Variants in CACNA2D3 observed in about 807,000 individuals in gnomAD.
The protein encoded by CACNA2D3 is calcium voltage-gated channel auxiliary subunit alpha2delta 3.
A neutral mutation model predicts 160.6 loss-of-function variants in CACNA2D3; 60 were observed. That is an observed-to-expected ratio of 0.37 (90% CI 0.30 to 0.46). The LOEUF (loss-of-function observed/expected upper bound fraction) is 0.46. Ranked by LOEUF, CACNA2D3 falls within the 20% of genes least tolerant of loss-of-function variation. CACNA2D3 has a pLI of 1.00. For synonymous variants in CACNA2D3, 558 were observed against 492.9 expected (o/e 1.13, Z -1.75); for missense variants, 1,205 against 1,365.0 (o/e 0.88, Z 1.85).
At chr3:54,581,343 C>G (rs1303410002) in intron 8 of CACNA2D3, among the ~76,000 whole-genome samples, 1 of 152,116 alleles carries the variant, frequency 6.6e-6, no homozygotes, top group Non-Finnish European at 1.5e-5. Flanking sequence ...GCAGAGTGAC[C>G]AGGGAACATC....
chr3:54,997,016 C>A (rs1702873292), intron 31 of CACNA2D3, among the ~76,000 whole-genome samples: 2 of 151,770 alleles, frequency 1.3e-5, no homozygotes, highest in Admixed American at 1.3e-4. Context: ...ACACCGGGGC[C>A]TGTCAGGGGG....
Position 54,691,987 on chromosome 3 carries a change from C to CTTTTTTTATTTATTTATTTATTTT in CACNA2D3, c.1167+49753_1167+49754insATTTATTTATTTATTTTTTTTTTT, listed in dbSNP as rs1553787515. Reference sequence around the variant, plus strand: ...ATTAATAATATTAATTTCTTTCTTCCTTTTTTTTTGAGACAGAGTCTCACT... The same window carrying CTTTTTTTATTTATTTATTTATTTT: ...ATTAATAATATTAATTTCTTTCTTCCTTTTTTTATTTATTTATTTATTTTTTTTTTTTTGAGACAGAGTCTCACT... On this transcript the variant is annotated intron_variant, in intron 11 of 37. Coordinates refer to ENST00000474759, the MANE Select transcript of CACNA2D3 (RefSeq NM_018398.3). Among the ~76,000 whole-genome samples the CTTTTTTTATTTATTTATTTATTTT allele has an allele frequency of 1.8e-3, 274 of 151,098 alleles. 1 individual carries two copies. The highest frequency in any genetic ancestry group is 6.2e-3 in the African/African-American group (256 of 41,236).
At chr3:54,444,782 T>G (rs1700195256) in intron 4 of CACNA2D3, among the ~76,000 whole-genome samples, 1 of 152,260 alleles carries the variant, frequency 6.6e-6, no homozygotes, top group Non-Finnish European at 1.5e-5. Context: ...TAGGAGCTTA[T>G]GAGTCCTTAC....
chr3:55,005,885 C>T (rs773625217), intron 32 of CACNA2D3, among the ~76,000 whole-genome samples: 2 of 152,104 alleles, frequency 1.3e-5, no homozygotes, highest in African/African-American at 2.4e-5. Flanking sequence ...GTTTGAAACA[C>T]AACACTTAAA....
chr3:54,686,185 T>C (rs931162809), intron 11 of CACNA2D3, among the ~76,000 whole-genome samples: 1 of 152,260 alleles, frequency 6.6e-6, no homozygotes, highest in African/African-American at 2.4e-5. Context: ...TAAAGTTTTA[T>C]TGGAACACAG....
chr3:54,191,396 AACAT>A (rs1333233729), intron 2 of CACNA2D3, among the ~76,000 whole-genome samples: 20 of 98,204 alleles, frequency 2.0e-4, no homozygotes, highest in African/African-American at 8.4e-4. Context: ...TTAAAACATC[AACAT>A]CATCATCATC....
intron 29 of CACNA2D3, among the ~76,000 whole-genome samples, chr3:54,975,873 C>G (rs1702379383): frequency 1.3e-5 from 2 of 152,106 alleles, no homozygotes; most frequent in Non-Finnish European, 2.9e-5. Flanking sequence ...CTTGACCAAA[C>G]TGACCCAGAC....
intron 5 of CACNA2D3, among the ~76,000 whole-genome samples, chr3:54,546,195 C>T (rs1702061920): frequency 6.6e-6 from 1 of 152,166 alleles, no homozygotes; most frequent in African/African-American, 2.4e-5. Context: ...TGGAGGCAGC[C>T]CTGCAGGATG....
At chr3:54,950,282 G>A (rs911480893) in intron 27 of CACNA2D3, among the ~76,000 whole-genome samples, 28 of 152,290 alleles carry the variant, frequency 1.8e-4, no homozygotes, top group African/African-American at 5.3e-4. Flanking sequence ...CCAAATGAAC[G>A]TAGATGTTAT....
chr3:54,840,047 C>T (rs1698786161), intron 16 of CACNA2D3, among the ~76,000 whole-genome samples: 1 of 152,074 alleles, frequency 6.6e-6, no homozygotes, highest in Non-Finnish European at 1.5e-5. Flanking sequence ...CCTAGGTGTC[C>T]AGAACTGCTG....
At position 54,358,820 on chromosome 3, in the gene CACNA2D3, AG is replaced by A. The variant is rs372378803; in HGVS notation, c.322-27892del. ...TCAGTTACTAAAAGTCAAAAGGTAG[AG>A]GGAAAAGTCCGGGAAGCAAATAGGA... On this transcript the variant is annotated intron_variant, in intron 3 of 37. Coordinates refer to ENST00000474759, the MANE Select transcript of CACNA2D3 (RefSeq NM_018398.3). Among the ~76,000 whole-genome samples the A allele has an allele frequency of 5.3e-3, 803 of 152,354 alleles. 9 individuals carry two copies. The highest frequency in any genetic ancestry group is 0.018 in the African/African-American group (754 of 41,584).
intron 2 of CACNA2D3, among the ~76,000 whole-genome samples, chr3:54,180,319 G>A (rs879583373): frequency 6.6e-6 from 1 of 152,148 alleles, no homozygotes; most frequent in Non-Finnish European, 1.5e-5. Context: ...TTTGTGACAT[G>A]TGTGACACCA....
At chr3:54,807,358 GA>G in intron 13 of CACNA2D3, among the ~76,000 whole-genome samples, 2 of 152,020 alleles carry the variant, frequency 1.3e-5, no homozygotes, top group Admixed American at 6.6e-5. Context: ...AAATTTACAA[GA>G]AAAAAACAAA....
intron 2 of CACNA2D3, among the ~76,000 whole-genome samples, chr3:54,176,992 CTTTGCAACTTGGGGATGATAG>C (rs1700691465): frequency 6.6e-6 from 1 of 152,170 alleles, no homozygotes; most frequent in African/African-American, 2.4e-5. Flanking sequence ...GAGGCTCCTT[CTTTGCAACTTGGGGATGATAG>C]TAGGTTACTG....
At chr3:54,647,363 G>C (rs1262411740) in intron 11 of CACNA2D3, among the ~76,000 whole-genome samples, 1 of 152,236 alleles carries the variant, frequency 6.6e-6, no homozygotes, top group Non-Finnish European at 1.5e-5. Flanking sequence ...GCATCCGCAA[G>C]CCTAGTGGCT....
At chr3:54,391,114 C>G (rs1040406435) in intron 4 of CACNA2D3, among the ~76,000 whole-genome samples, 1 of 152,222 alleles carries the variant, frequency 6.6e-6, no homozygotes, top group Non-Finnish European at 1.5e-5. Flanking sequence ...TCTGCCCCTT[C>G]TCTCGCTTTA....
chr3:54,515,199 T>TGTGTGA lies in CACNA2D3; in HGVS notation c.544+11546_544+11547insTGTGAG, dbSNP rs1553706902. Reference sequence around the variant, plus strand: ...CTGTGTGTGTGTGTGTGTGTGTGTGTGAGAGAGAGAGAGAGAGAGAGAAAG... The same window carrying TGTGTGA: ...CTGTGTGTGTGTGTGTGTGTGTGTGTGTGTGAGAGAGAGAGAGAGAGAGAGAGAAAG... On this transcript the variant is annotated intron_variant, in intron 5 of 37. Coordinates refer to ENST00000474759, the MANE Select transcript of CACNA2D3 (RefSeq NM_018398.3). Among the ~76,000 whole-genome samples, 59 of 143,706 alleles carry TGTGTGA rather than the reference T, an allele frequency of 4.1e-4. No individual in the cohort carries two copies. In the East Asian group the frequency reaches 4.3e-3, roughly 11 times the overall value. 94.3% of individuals were successfully genotyped at this position (143,706 alleles called of 152,430 possible). A position where few individuals can be genotyped will look rare whatever the true frequency, so the allele number is the denominator to read the frequency against.
intron 3 of CACNA2D3, among the ~76,000 whole-genome samples, chr3:54,381,176 C>A (rs1420093358): frequency 6.6e-6 from 1 of 152,156 alleles, no homozygotes; most frequent in Admixed American, 6.5e-5. Context: ...TATTTTACAA[C>A]CCAAAGGTTT....
intron 4 of CACNA2D3, among the ~76,000 whole-genome samples, chr3:54,413,800 TG>T (rs1000580306): frequency 5.3e-5 from 8 of 151,874 alleles, no homozygotes; most frequent in East Asian, 3.9e-4. Context: ...ACACTGATTA[TG>T]TTTTTTTTTA....
Sources: gnomAD v4.1 joint callset for allele counts (sites outside exome capture counted in the v4.1 genomes callset) on GRCh38, gnomAD v4.1.1 for gene constraint, MANE v1.5 for transcripts, NCBI Gene and HGNC (gene_info 2026-07-23, HGNC 2026-07-21) for gene names.